The following FBXO22 variants were observed in gnomAD, a reference collection of about 807,000 sequenced individuals.
FBXO22 encodes the protein F-box only protein 22.
FBXO22 carries 13 observed loss-of-function variants against 37.2 expected under a neutral mutation model. That is an observed-to-expected ratio of 0.35 (90% CI 0.23 to 0.56). FBXO22 has a LOEUF of 0.56. Among genes scored for constraint, FBXO22 ranks in the 20% least tolerant of loss-of-function variants. The probability of loss-of-function intolerance (pLI) is 0.87; values close to 1 mark genes in which losing one functional copy is unlikely to be tolerated. For synonymous variants in FBXO22, 189 were observed against 189.1 expected, an observed-to-expected ratio of 1.00 and a Z score of 0.00; for missense variants, 446 against 509.9, an observed-to-expected ratio of 0.87 and a Z score of 1.21.
chr15:75,923,832 G>A (rs1900382351), intron 5 of FBXO22, among the ~76,000 whole-genome samples: 1 of 152,158 alleles, frequency 6.6e-6, no homozygotes, highest in Non-Finnish European at 1.5e-5. Context: ...GGAGATGGCA[G>A]CTTGGAGCAG....
intron 3 of FBXO22, 54 bp downstream of exon 3, chr15:75,913,344 T>A: frequency 8.0e-7 from 1 of 1,250,778 alleles, no homozygotes; most frequent in Non-Finnish European, 1.2e-6. Context: ...GTGCCTTCCG[T>A]TCGGAGTTCA....
At chr15:75,917,481 G>T in intron 5 of FBXO22, 87 bp downstream of exon 5, 2 of 974,162 alleles carry the variant, frequency 2.1e-6, no homozygotes, top group South Asian at 1.8e-5. Context: ...TGGATATTAG[G>T]TTCCTTTGGG....
At chr15:75,918,492 G>T (rs1900241446) in intron 5 of FBXO22, among the ~76,000 whole-genome samples, 2 of 152,180 alleles carry the variant, frequency 1.3e-5, no homozygotes, top group Non-Finnish European at 2.9e-5. Flanking sequence ...ACACAGGGTA[G>T]TGTAGCTATT....
Position 75,939,688 on chromosome 15 carries a change from C to T in FBXO22, c.*6586C>T, listed in dbSNP as rs914160050. ...AGCATATTAAAAGGATTGTACACCA[C>T]GACCAAATGGAATGAATTCCTGGAA... On this transcript the variant is annotated 3_prime_UTR_variant, in exon 7 of 7. Coordinates refer to ENST00000308275, the MANE Select transcript of FBXO22 (RefSeq NM_147188.3). The T allele has an allele frequency of 6.6e-6, 1 of 152,088 alleles. No homozygotes were observed. Among genetic ancestry groups the T allele is most frequent in the Non-Finnish European group, 1.5e-5 (1 of 67,978 alleles). 9.4% of individuals were successfully genotyped at this position (152,088 alleles called of 1,614,324 possible).
intron 5 of FBXO22, among the ~76,000 whole-genome samples, chr15:75,920,934 C>T (rs1308969516): frequency 6.6e-6 from 1 of 152,176 alleles, no homozygotes; most frequent in Non-Finnish European, 1.5e-5. Context: ...CATATACAGT[C>T]ATATGTTGCT....
At chr15:75,917,549 C>T (rs1417578983) in intron 5 of FBXO22, among the ~76,000 whole-genome samples, 155 bp downstream of exon 5, 3 of 152,116 alleles carry the variant, frequency 2.0e-5, no homozygotes, top group Non-Finnish European at 4.4e-5. Flanking sequence ...ACAGGTGATT[C>T]ACAGAGGCCA....
At position 75,934,422 on chromosome 15, in the gene FBXO22, A is replaced by G. The variant is rs2030189650; in HGVS notation, c.*1320A>G. 6.6e-6 allele frequency: 1 copy of G among 152,238 alleles called. No homozygotes were observed. Among genetic ancestry groups the G allele is most frequent in the African/African-American group, 2.4e-5 (1 of 41,464 alleles). 9.4% of individuals were successfully genotyped at this position (152,238 alleles called of 1,614,324 possible). On this transcript the variant is annotated 3_prime_UTR_variant, in exon 7 of 7. Transcript: ENST00000308275. ...CATCTAATACAGTATGATGTAACTA[A>G]TGTTACTTTTGTAACAGTCAGTGGT...
intron 5 of FBXO22, among the ~76,000 whole-genome samples, chr15:75,919,770 A>G (rs912853079): frequency 4.6e-5 from 7 of 152,154 alleles, no homozygotes; most frequent in African/African-American, 1.7e-4. Context: ...TAGGGTTCTA[A>G]GTGTCCTTAG....
At chr15:75,919,053 G>A (rs1900258371) in intron 5 of FBXO22, among the ~76,000 whole-genome samples, 1 of 152,112 alleles carries the variant, frequency 6.6e-6, no homozygotes, top group Non-Finnish European at 1.5e-5. Context: ...TACTTCCTGG[G>A]TTCAAGGGTT....
rs762488598 is a variant in FBXO22, at chr15:75,904,562, C to G, written c.212C>G (p.Ala71Gly). The stretch of plus-strand genomic sequence containing the variant: ...CATCGGAGCGTAACCTGGATCTCCG[C>G]AGGCCTGGCGGAGGCCGGCCACCTG... ...RTHRSVTWIS[A>G]GLAEAGHLEG... Residue 71 changes from alanine to glycine, a missense_variant, in exon 2 of 7, where the codon GCA becomes GGA. By Grantham distance (60) the Ala-to-Gly change is moderately conservative (BLOSUM62 0). This residue lies in a region of FBXO22 where 131 missense variants were observed against 99.8 expected (regional missense o/e 1.31). Transcript: ENST00000308275. 2 of 1,613,410 alleles carry G rather than the reference C, an allele frequency of 1.2e-6. No individual in the cohort carries two copies. The highest frequency in any genetic ancestry group is 2.2e-5 in the South Asian group (2 of 90,940).
At chr15:75,910,460 C>T (rs1900029037) in intron 2 of FBXO22, 2 of 152,220 alleles carry the variant, frequency 1.3e-5, no homozygotes, top group African/African-American at 4.8e-5. Flanking sequence ...GATCGCCACT[C>T]TAACTGGCAT....
chr15:75,931,987 G>C (rs1446443613), intron 6 of FBXO22, among the ~76,000 whole-genome samples: 1 of 152,230 alleles, frequency 6.6e-6, no homozygotes, highest in Non-Finnish European at 1.5e-5. Flanking sequence ...GCTGAGGCAG[G>C]AGGATTGCTT....
Position 75,904,479 on chromosome 15 carries a change from T to C in FBXO22, c.141-12T>C. ...CGTCCGTTCGCAATCCTTTGTGCGTTTGCGTCCTCAGCGTGTGCCGCTTAT... is the reference window on the plus strand; with the variant it reads ...CGTCCGTTCGCAATCCTTTGTGCGTCTGCGTCCTCAGCGTGTGCCGCTTAT... On this transcript the variant is annotated splice_polypyrimidine_tract_variant and intron_variant, in intron 1 of 6. Coordinates refer to ENST00000308275, the MANE Select transcript of FBXO22 (RefSeq NM_147188.3). The C allele has an allele frequency of 6.2e-7, 1 of 1,613,696 alleles. No individual in the cohort carries two copies. Among genetic ancestry groups the C allele is most frequent in the Non-Finnish European group, 8.5e-7 (1 of 1,179,792 alleles).
chr15:75,905,539 G>C (rs1345397190), intron 2 of FBXO22: 1 of 152,216 alleles, frequency 6.6e-6, no homozygotes, highest in Non-Finnish European at 1.5e-5. Flanking sequence ...TCACAATCAG[G>C]AAATTATCAC....
At chr15:75,916,169 A>G (rs1299085278) in intron 4 of FBXO22, among the ~76,000 whole-genome samples, 1 of 152,074 alleles carries the variant, frequency 6.6e-6, no homozygotes, top group Non-Finnish European at 1.5e-5. Context: ...TAAGCACCAC[A>G]GAGTTAACCA....
chr15:75,913,516 G>A (rs1207775561), intron 3 of FBXO22, among the ~76,000 whole-genome samples: 1 of 152,134 alleles, frequency 6.6e-6, no homozygotes, highest in African/African-American at 2.4e-5. Context: ...TTAGAAAGGT[G>A]TTGTTCTCAA....
At chr15:75,925,573 G>A (rs1431258157) in intron 5 of FBXO22, among the ~76,000 whole-genome samples, 2 of 151,548 alleles carry the variant, frequency 1.3e-5, no homozygotes, top group East Asian at 3.9e-4. Context: ...AGTACCAGGT[G>A]TGAAGCAGAG....
intron 5 of FBXO22, among the ~76,000 whole-genome samples, chr15:75,925,200 T>C (rs2141719609): frequency 6.6e-6 from 1 of 152,332 alleles, no homozygotes; most frequent in East Asian, 1.9e-4. Flanking sequence ...AATATGGATA[T>C]AATTTGCATG....
intron 5 of FBXO22, among the ~76,000 whole-genome samples, chr15:75,921,559 G>C (rs1166400050): frequency 2.0e-5 from 3 of 152,048 alleles, no homozygotes; most frequent in Non-Finnish European, 4.4e-5. Context: ...GCTACTGTAG[G>C]CTGAGGCAGG....
Sources: allele counts gnomAD v4.1 joint callset (sites outside exome capture counted in the v4.1 genomes callset), GRCh38; gene constraint gnomAD v4.1.1; regional missense constraint gnomAD v4.1.1; transcripts MANE v1.5; gene names NCBI Gene and HGNC (gene_info 2026-07-23, HGNC 2026-07-21).